PTPRT: variants seen among roughly 807,000 people sequenced by gnomAD.
PTPRT encodes the protein protein tyrosine phosphatase receptor type T.
Under a neutral mutation model 176.8 loss-of-function variants are expected in PTPRT, and 56 were observed. The ratio of observed to expected loss-of-function variants is 0.32; its 90% confidence interval spans 0.26 to 0.40. The LOEUF (loss-of-function observed/expected upper bound fraction) is 0.40, where lower values mean the gene tolerates loss of function less well. Ranked by LOEUF, PTPRT falls within the 10% of genes least tolerant of loss-of-function variation. The probability of loss-of-function intolerance (pLI) is 1.00; values close to 1 mark genes in which losing one functional copy is unlikely to be tolerated. For missense variants in PTPRT, 1,540 were observed against 1,908.2 expected (o/e 0.81, Z 3.60); for synonymous variants, 783 against 739.0 (o/e 1.06, Z -0.96).
At chr20:43,009,760 C>T (rs1054242010) in intron 1 of PTPRT, among the ~76,000 whole-genome samples, 19 of 152,168 alleles carry the variant, frequency 1.2e-4, no homozygotes, top group Admixed American at 3.9e-4. Context: ...TGGGCATCTG[C>T]GACGATGGCT....
chr20:42,730,288 A>T (rs1307670443), intron 6 of PTPRT, among the ~76,000 whole-genome samples: 1 of 152,196 alleles, frequency 6.6e-6, no homozygotes, highest in Non-Finnish European at 1.5e-5. Context: ...AAATAAGACC[A>T]CCAAAAGGGA....
chr20:42,633,818 T>TATAA lies in PTPRT; in HGVS notation c.1153+44047_1153+44048insTTAT, dbSNP rs1491342115. Among the ~76,000 whole-genome samples, 59 of 57,706 alleles carry TATAA rather than the reference T, an allele frequency of 1.0e-3. 3 individuals carry two copies. Among genetic ancestry groups the TATAA allele is most frequent in the African/African-American group, 3.8e-3 (47 of 12,308 alleles). 37.9% of individuals were successfully genotyped at this position (57,706 alleles called of 152,430 possible). A position where few individuals can be genotyped will look rare whatever the true frequency, so the allele number is the denominator to read the frequency against. ...ATATATATATATATATATATATATATAATAAAATATTAATATATTATAATA... is the reference window on the plus strand; with the variant it reads ...ATATATATATATATATATATATATATATAAAATAAAATATTAATATATTATAATA... On this transcript the variant is annotated intron_variant, in intron 7 of 30. Coordinates refer to ENST00000373187, the MANE Select transcript of PTPRT (RefSeq NM_007050.6).
chr20:42,863,347 G>T (rs1368490009), intron 2 of PTPRT, among the ~76,000 whole-genome samples: 1 of 152,208 alleles, frequency 6.6e-6, no homozygotes, highest in Non-Finnish European at 1.5e-5. Flanking sequence ...TTCCAGCAGA[G>T]AATCAGGACA....
intron 1 of PTPRT, among the ~76,000 whole-genome samples, chr20:42,917,433 T>A (rs1299795266): frequency 6.6e-6 from 1 of 152,204 alleles, no homozygotes; most frequent in African/African-American, 2.4e-5. Flanking sequence ...TAGGATTGAC[T>A]TGGCGATGCG....
At chr20:42,443,925 G>C (rs1306866553) in intron 9 of PTPRT, among the ~76,000 whole-genome samples, 1 of 152,202 alleles carries the variant, frequency 6.6e-6, no homozygotes, top group African/African-American at 2.4e-5. Context: ...GCATTTTCCA[G>C]ATGTTTCCAG....
intron 1 of PTPRT, among the ~76,000 whole-genome samples, chr20:43,177,926 C>T (rs1332174132): frequency 6.6e-6 from 1 of 152,104 alleles, no homozygotes; most frequent in East Asian, 1.9e-4. Flanking sequence ...GCATCAAGTC[C>T]CAGAAATATT....
chr20:42,603,767 A>G (rs890850315), intron 7 of PTPRT, among the ~76,000 whole-genome samples: 17 of 152,190 alleles, frequency 1.1e-4, no homozygotes, highest in African/African-American at 4.1e-4. Flanking sequence ...ATAGACGGAC[A>G]AGAATGACAT....
chr20:42,267,921 A>G (rs917751408), intron 13 of PTPRT, among the ~76,000 whole-genome samples: 7 of 152,206 alleles, frequency 4.6e-5, no homozygotes, highest in African/African-American at 1.4e-4. Context: ...AATTTCTCCA[A>G]ATAAAAATAA....
chr20:42,976,259 C>T (rs1982942490), intron 1 of PTPRT, among the ~76,000 whole-genome samples: 1 of 152,086 alleles, frequency 6.6e-6, no homozygotes, highest in Non-Finnish European at 1.5e-5. Context: ...TCAGGAAAGA[C>T]CTGCACTGGG....
Position 42,073,793 on chromosome 20 carries a change from T to C in PTPRT, c.*7086A>G, listed in dbSNP as rs925565032. 9 of 223,734 alleles carry C rather than the reference T, an allele frequency of 4.0e-5. No homozygotes were observed. The highest frequency in any genetic ancestry group is 1.4e-3 in the Middle Eastern group (1 of 720). The allele number at this position is 223,734 out of a possible 1,614,324, so 13.9% of individuals were successfully genotyped here. A position where few individuals can be genotyped will look rare whatever the true frequency, so the allele number is the denominator to read the frequency against. The stretch of plus-strand genomic sequence containing the variant: ...ACACAATCTACTTGGATTCGTGCTC[T>C]ACAGGTATGAATGAGTTCAAACATG... On this transcript the variant is annotated 3_prime_UTR_variant, in exon 31 of 31. Transcript: ENST00000373187.
At chr20:43,043,198 C>A (rs1014380925) in intron 1 of PTPRT, among the ~76,000 whole-genome samples, 1 of 152,180 alleles carries the variant, frequency 6.6e-6, no homozygotes, top group African/African-American at 2.4e-5. Flanking sequence ...TGCAAATACA[C>A]TGTATCTGGC....
intron 22 of PTPRT, among the ~76,000 whole-genome samples, chr20:42,114,475 A>G (rs189710309): frequency 1.2e-3 from 184 of 152,324 alleles, no homozygotes; most frequent in African/African-American, 4.1e-3. Context: ...TTTATTTGCA[A>G]TCACATCCTT....
At chr20:42,392,950 A>T (rs1352874618) in intron 9 of PTPRT, among the ~76,000 whole-genome samples, 1 of 152,172 alleles carries the variant, frequency 6.6e-6, no homozygotes, top group Non-Finnish European at 1.5e-5. Flanking sequence ...GAAAGAGGAA[A>T]ATCTGATTTT....
At chr20:42,081,529 C>T (rs1384690730) in intron 30 of PTPRT, among the ~76,000 whole-genome samples, 4 of 152,160 alleles carry the variant, frequency 2.6e-5, no homozygotes, top group Non-Finnish European at 4.4e-5. Context: ...GTAAAAATTA[C>T]CATAAATTAA....
chr20:42,998,438 T>G (rs1984350403), intron 1 of PTPRT, among the ~76,000 whole-genome samples: 1 of 152,180 alleles, frequency 6.6e-6, no homozygotes, highest in Non-Finnish European at 1.5e-5. Flanking sequence ...TAAATCAGTC[T>G]AACTTGATGA....
chr20:42,839,324 A>T lies in PTPRT; in HGVS notation c.214+46483T>A, dbSNP rs544526663. 2.4e-4 allele frequency among the ~76,000 whole-genome samples: 34 copies of T among 140,488 alleles called. No individual in the cohort carries two copies. In the East Asian group the frequency reaches 3.2e-3, roughly 13 times the overall value. 92.2% of individuals were successfully genotyped at this position (140,488 alleles called of 152,430 possible). On this transcript the variant is annotated intron_variant, in intron 2 of 30. Transcript: ENST00000373187. ...TTCACTCTGTTTTTTTTTTTTTTTTAAAGCGCCCTTCACATGATCTAGCTC... is the reference window on the plus strand; with the variant it reads ...TTCACTCTGTTTTTTTTTTTTTTTTTAAGCGCCCTTCACATGATCTAGCTC...
intron 7 of PTPRT, among the ~76,000 whole-genome samples, chr20:42,599,485 C>T (rs573337098): frequency 9.9e-5 from 15 of 152,156 alleles, no homozygotes; most frequent in Non-Finnish European, 1.5e-4. Flanking sequence ...TTCCTCAAGC[C>T]CAGAGAGATG....
intron 14 of PTPRT, among the ~76,000 whole-genome samples, chr20:42,247,587 A>G (rs1320463148): frequency 6.6e-6 from 1 of 152,200 alleles, no homozygotes; most frequent in Non-Finnish European, 1.5e-5. Context: ...TCTGTGCATA[A>G]GCAAACCCAG....
intron 22 of PTPRT, among the ~76,000 whole-genome samples, chr20:42,110,822 G>A (rs1986945273): frequency 6.6e-6 from 1 of 152,176 alleles, no homozygotes; most frequent in Non-Finnish European, 1.5e-5. Flanking sequence ...TGTTTCATAG[G>A]AGGTGTATTG....
Sources: allele counts gnomAD v4.1 joint callset (sites outside exome capture counted in the v4.1 genomes callset), GRCh38; gene constraint gnomAD v4.1.1; transcripts MANE v1.5; gene names NCBI Gene and HGNC (gene_info 2026-07-23, HGNC 2026-07-21).